Variants in RFX6 observed in about 807,000 individuals in gnomAD.
RFX6 encodes the protein regulatory factor X6, also known as DNA-binding protein RFX6.
RFX6 carries 50 observed loss-of-function variants against 110.8 expected under a neutral mutation model. The ratio of observed to expected loss-of-function variants is 0.45; its 90% CI spans 0.36 to 0.57. The LOEUF (loss-of-function observed/expected upper bound fraction) is 0.57. Among genes scored for constraint, RFX6 ranks in the 20% least tolerant of loss-of-function variants. The pLI is 0.00. For synonymous variants in RFX6, 383 were observed against 411.2 expected, an observed-to-expected ratio of 0.93 and a Z score of 0.83; for missense variants, 990 against 1,127.0, an observed-to-expected ratio of 0.88 and a Z score of 1.74.
At position 116,902,631 on chromosome 6, in the gene RFX6, G is replaced by A. The variant is rs78866753; in HGVS notation, c.672+7424G>A. 3.2e-3 allele frequency among the ~76,000 whole-genome samples: 490 copies of A among 151,996 alleles called. 4 individuals carry two copies. Among genetic ancestry groups the A allele is most frequent in the Middle Eastern group, 0.017 (5 of 292 alleles). Reference sequence around the variant, plus strand: ...GTCTTCTAATGTGGGCCAAATTTTTGTTTCAAGCAGCTAGTGAAGTTGACA... The same window carrying A: ...GTCTTCTAATGTGGGCCAAATTTTTATTTCAAGCAGCTAGTGAAGTTGACA... On this transcript the variant is annotated intron_variant, in intron 6 of 18. Coordinates refer to ENST00000332958, the MANE Select transcript of RFX6 (RefSeq NM_173560.4).
At chr6:116,894,668 C>T (rs990643530) in intron 5 of RFX6, among the ~76,000 whole-genome samples, 1 of 151,994 alleles carries the variant, frequency 6.6e-6, no homozygotes, top group Non-Finnish European at 1.5e-5. Flanking sequence ...GATAACACAT[C>T]ATTCATTTTT....
At chr6:116,897,242 T>C (rs1463678916) in intron 6 of RFX6, among the ~76,000 whole-genome samples, 1 of 152,068 alleles carries the variant, frequency 6.6e-6, no homozygotes, top group Non-Finnish European at 1.5e-5. Flanking sequence ...CTCCATACTA[T>C]GGAAATTGTG....
In RFX6 at chr6:116,894,017, G is replaced by T. The variant is rs773713991; in HGVS notation, c.597G>T (p.Glu199Asp). The change falls in exon 5 of 19, where the codon GAG becomes GAT. Residue 199 changes from glutamate to aspartate, a missense_variant. Physicochemically the swap from Glu to Asp is conservative, Grantham distance 45. Coordinates refer to ENST00000332958, the MANE Select transcript of RFX6 (RefSeq NM_173560.4). ...KYHYYGIGIK[E>D]SSAYYHSVYS... ...ATTACTATGGGATTGGCATCAAAGA[G>T]AGCAGTGCATATTACCACTCCGTTT... 3.7e-6 allele frequency: 6 copies of T among 1,604,440 alleles called. No homozygotes were observed. Among genetic ancestry groups the T allele is most frequent in the South Asian group, 2.2e-5 (2 of 90,886 alleles).
In RFX6 at chr6:116,923,142, A is replaced by C. The variant is rs748125460; in HGVS notation, c.1473A>C (p.Arg491Ser). 6.2e-7 allele frequency: 1 copy of C among 1,608,274 alleles called. No homozygotes were observed. Among genetic ancestry groups the C allele is most frequent in the Non-Finnish European group, 8.5e-7 (1 of 1,174,818 alleles). The change falls in exon 14 of 19, where the codon AGA becomes AGC. Residue 491 changes from arginine to serine, a missense_variant. By Grantham distance (110) the Arg-to-Ser change is moderately radical. Transcript: ENST00000332958. The stretch of plus-strand genomic sequence containing the variant: ...AAAATGGAAGGTCATTAAAGAAGAG[A>C]GCTCAAGACTTTCTGTTAAAGTGGA... ...SKQNGRSLKKRAQDFLLKWSF... is the reference protein window; with the variant it reads ...SKQNGRSLKKSAQDFLLKWSF...
At chr6:116,898,588 G>T (rs189394296) in intron 6 of RFX6, among the ~76,000 whole-genome samples, 3 of 152,262 alleles carry the variant, frequency 2.0e-5, no homozygotes, top group Admixed American at 2.0e-4. Context: ...AAATATTAAA[G>T]AAAGGAAAGT....
intron 13 of RFX6, 36 bp from the exon 14 acceptor site, chr6:116,923,071 G>A (rs371308710): frequency 8.5e-5 from 93 of 1,099,252 alleles, no homozygotes; most frequent in Non-Finnish European, 1.2e-4. Context: ...CTGAGAGGAC[G>A]GATTTTATAG....
chr6:116,890,301 C>T (rs1055548776), intron 4 of RFX6, among the ~76,000 whole-genome samples: 6 of 152,096 alleles, frequency 3.9e-5, no homozygotes, highest in Non-Finnish European at 8.8e-5. Flanking sequence ...AGATCATGTA[C>T]ACATACAATT....
At chr6:116,905,556 CTT>C (rs34779403) in intron 6 of RFX6, among the ~76,000 whole-genome samples, 24 of 141,016 alleles carry the variant, frequency 1.7e-4, no homozygotes, top group Admixed American at 2.1e-4. Flanking sequence ...AAAAGTGTTT[CTT>C]TTTTTTTTTT....
At position 116,928,944 on chromosome 6, in the gene RFX6, C is replaced by A; in HGVS notation, c.2584C>A (p.Pro862Thr). ...TSSFYTDTSS[P>T]VACRTPVLAS... The stretch of plus-strand genomic sequence containing the variant: ...CTCGTTTTACACAGACACATCATCT[C>A]CAGTTGCATGTCGAACTCCAGTCCT... Residue 862 changes from proline (P) to threonine (T), a missense_variant, in exon 18 of 19, where the codon CCA (proline) becomes ACA (threonine). Transcript: ENST00000332958. 1.2e-6 allele frequency: 2 copies of A among 1,612,160 alleles called. No individual in the cohort carries two copies. Among genetic ancestry groups the A allele is most frequent in the Non-Finnish European group, 1.7e-6 (2 of 1,178,198 alleles).
At chr6:116,888,346 A>G (rs140724624) in intron 4 of RFX6, among the ~76,000 whole-genome samples, 1,691 of 152,342 alleles carry the variant, frequency 0.011, 29 homozygotes, top group Admixed American at 0.041. Context: ...AAAGTCTGTT[A>G]TATTTTATAA....
At chr6:116,878,047 C>T in intron 2 of RFX6, 95 bp downstream of exon 2, 1 of 1,323,630 alleles carries the variant, frequency 7.6e-7, no homozygotes, top group Non-Finnish European at 1.1e-6. Flanking sequence ...ACTTCTTCCT[C>T]AAACTTTTTG....
rs570942948 is a variant in RFX6 at position 116,928,855 on chromosome 6, C to T, written c.2495C>T (p.Pro832Leu). The T allele has an allele frequency of 1.2e-6, 2 of 1,612,174 alleles. No homozygotes were observed. Among genetic ancestry groups the T allele is most frequent in the African/African-American group, 2.7e-5 (2 of 75,002 alleles). ...GTCATCAGCAGCATTCGTTCACTGC[C>T]CCCCTACAGTGACATCCACGATCCA... ...VSVISSIRSL[P>L]PYSDIHDPLN... Residue 832 changes from proline to leucine, a missense_variant, in exon 18 of 19, where the codon CCC becomes CTC. Transcript: ENST00000332958.
rs1007690384 is a variant in RFX6 at position 116,918,026 on chromosome 6, C to T, written c.973-11C>T. On this transcript the variant is annotated splice_polypyrimidine_tract_variant and intron_variant, in intron 9 of 18. Transcript: ENST00000332958. Reference sequence around the variant, plus strand: ...TAAAGATTTGTATTAACCTCTTTTGCTATGATTAAGGTTCTTACAGATGTA... The same window carrying T: ...TAAAGATTTGTATTAACCTCTTTTGTTATGATTAAGGTTCTTACAGATGTA... 4 of 1,589,744 alleles carry T rather than the reference C, an allele frequency of 2.5e-6. No homozygotes were observed. The African/African-American group carries it at 5.4e-5, about 21-fold the overall frequency.
chr6:116,931,462 C>A lies in RFX6; in HGVS notation c.2743C>A (p.Pro915Thr). The change falls in exon 19 of 19, where the codon CCT becomes ACT. Residue 915 changes from proline (P) to threonine (T), a missense_variant. Coordinates refer to ENST00000332958, the MANE Select transcript of RFX6 (RefSeq NM_173560.4). ...SSREMVSSLP[P>T]INTVFMGTAA... is the part of the protein sequence containing the mutation. ...TAGAGAAATGGTGTCCTCTTTACCA[C>A]CTATCAACACTGTGTTCATGGGAAC... 6.2e-7 allele frequency: 1 copy of A among 1,613,560 alleles called. No individual in the cohort carries two copies. Among genetic ancestry groups the A allele is most frequent in the African/African-American group, 1.3e-5 (1 of 75,006 alleles).
At chr6:116,894,620 G>A (rs967079393) in intron 5 of RFX6, among the ~76,000 whole-genome samples, 7 of 151,494 alleles carry the variant, frequency 4.6e-5, no homozygotes, top group African/African-American at 1.7e-4. Flanking sequence ...ACTATCATGG[G>A]GATATTAGTA....
chr6:116,912,846 T>A (rs1460955398), intron 7 of RFX6, among the ~76,000 whole-genome samples: 4 of 130,308 alleles, frequency 3.1e-5, no homozygotes, highest in Non-Finnish European at 4.9e-5. Context: ...TTTGAAAGAC[T>A]GGTCTGTAGA....
intron 5 of RFX6, among the ~76,000 whole-genome samples, chr6:116,894,764 A>G (rs1043467096): frequency 2.2e-4 from 34 of 152,118 alleles, no homozygotes; most frequent in African/African-American, 7.7e-4. Context: ...CTCTTAAAAG[A>G]AGAAATTATT....
intron 17 of RFX6, 58 bp from the exon 18 acceptor site, chr6:116,928,701 C>T (rs758535267): frequency 4.0e-5 from 49 of 1,226,318 alleles, no homozygotes; most frequent in Non-Finnish European, 5.6e-5. Flanking sequence ...CACTTTTTTC[C>T]TTCCTGAAAG....
intron 7 of RFX6, among the ~76,000 whole-genome samples, chr6:116,912,688 A>G (rs1439807633): frequency 6.6e-6 from 1 of 152,150 alleles, no homozygotes; most frequent in Non-Finnish European, 1.5e-5. Context: ...TGGTGTAAAT[A>G]TACCTGGTGA....
Sources: gnomAD v4.1 joint callset for allele counts (sites outside exome capture counted in the v4.1 genomes callset) on GRCh38, gnomAD v4.1.1 for gene constraint, MANE v1.5 for transcripts, NCBI Gene and HGNC (gene_info 2026-07-23, HGNC 2026-07-21) for gene names.